GFI1B: variants seen among roughly 807,000 people sequenced by gnomAD.
The protein encoded by GFI1B is growth factor independent 1B transcriptional repressor.
A neutral mutation model predicts 35.3 loss-of-function variants in GFI1B; 20 were observed. The observed-to-expected ratio is 0.57, with a 90% CI of 0.40 to 0.82. The LOEUF is 0.82. Ranked by LOEUF, GFI1B falls within the 40% of genes least tolerant of loss-of-function variation. GFI1B has a pLI of 0.00. For synonymous variants in GFI1B, 178 were observed against 177.6 expected, an observed-to-expected ratio of 1.00 and a Z score of -0.02; for missense variants, 430 against 446.3, an observed-to-expected ratio of 0.96 and a Z score of 0.33.
At chr9:132,976,201 A>G (rs1287180394), upstream of GFI1B, among the ~76,000 whole-genome samples, 1 of 152,214 alleles carries the variant, frequency 6.6e-6, no homozygotes, top group Non-Finnish European at 1.5e-5. Flanking sequence ...GAGATAAACC[A>G]TGAAACCATT....
At chr9:132,985,374 T>C (rs1849006417) in intron 1 of GFI1B, among the ~76,000 whole-genome samples, 1 of 152,138 alleles carries the variant, frequency 6.6e-6, no homozygotes, top group African/African-American at 2.4e-5. Context: ...TCCCACTCCC[T>C]GACTGGTGGG....
intron 1 of GFI1B, among the ~76,000 whole-genome samples, chr9:132,970,899 C>A (rs769557208): frequency 4.6e-5 from 7 of 152,090 alleles, no homozygotes; most frequent in Admixed American, 2.0e-4. Flanking sequence ...TAATAATCAA[C>A]CTGCCATGTA....
In GFI1B at chr9:132,979,371, C is replaced by T. The variant is rs188756129; in HGVS notation, c.-21+530C>T. 2.5e-3 allele frequency among the ~76,000 whole-genome samples: 374 copies of T among 150,064 alleles called. 1 individual carries two copies. The highest frequency in any genetic ancestry group is 7.1e-3 in the Middle Eastern group (2 of 282). On this transcript the variant is annotated intron_variant, in intron 1 of 6. Coordinates refer to ENST00000372122, the MANE Select transcript of GFI1B (RefSeq NM_001377304.1). ...TCTCCTGCCTCAGCCTCCCAAGTAG[C>T]TGGGATTACAGGCGCGTGTTACCAC... is the stretch of plus-strand genomic sequence containing the variant.
chr9:132,980,394 T>C (rs1352201699), intron 1 of GFI1B, among the ~76,000 whole-genome samples: 1 of 152,188 alleles, frequency 6.6e-6, no homozygotes, highest in Non-Finnish European at 1.5e-5. Context: ...CCTCTTAGTC[T>C]AGAGGGAGGC....
chr9:132,949,145 C>A (rs1848162751), intron 1 of GFI1B, among the ~76,000 whole-genome samples: 1 of 152,184 alleles, frequency 6.6e-6, no homozygotes, highest in African/African-American at 2.4e-5. Flanking sequence ...TCACACCTGT[C>A]TTTTTAATTA....
At chr9:132,971,295 G>T (rs548587185) in intron 1 of GFI1B, among the ~76,000 whole-genome samples, 1 of 152,188 alleles carries the variant, frequency 6.6e-6, no homozygotes, top group African/African-American at 2.4e-5. Context: ...TACTTCACCT[G>T]CACCCAGAGT....
chr9:132,972,815 G>C (rs916044477), intron 2 of GFI1B: 1 of 152,326 alleles, frequency 6.6e-6, no homozygotes, highest in Middle Eastern at 3.4e-3. Context: ...CGCCTGGGTC[G>C]TAGGGTGGGG....
Position 132,988,980 on chromosome 9 carries a change from G to A in GFI1B, c.511-81G>A, listed in dbSNP as rs144453058. On this transcript the variant is annotated intron_variant, in intron 4 of 6. Coordinates refer to ENST00000372122, the MANE Select transcript of GFI1B (RefSeq NM_001377304.1). ...TGTACCCAGCCTTGGCCAGAGCTGG[G>A]CATGGAAGAGACCATGGGACCCCAG... The A allele has an allele frequency of 3.4e-3, 4,560 of 1,355,342 alleles. 9 individuals are homozygous for A. Among genetic ancestry groups the A allele is most frequent in the Non-Finnish European group, 4.1e-3 (3,887 of 946,228 alleles). 84.0% of individuals were successfully genotyped at this position (1,355,342 alleles called of 1,614,324 possible).
At chr9:132,981,094 C>T (rs963768916) in intron 1 of GFI1B, among the ~76,000 whole-genome samples, 1 of 152,180 alleles carries the variant, frequency 6.6e-6, no homozygotes, top group African/African-American at 2.4e-5. Flanking sequence ...TGGGGTTTCG[C>T]CATTTTGGCC....
chr9:132,961,396 T>C (rs1395891886), intron 1 of GFI1B, among the ~76,000 whole-genome samples: 1 of 149,598 alleles, frequency 6.7e-6, no homozygotes. Context: ...TATCACAGTC[T>C]TAATTGTGAA....
chr9:132,959,155 G>C (rs184400924), intron 1 of GFI1B, among the ~76,000 whole-genome samples: 1 of 152,276 alleles, frequency 6.6e-6, no homozygotes, highest in African/African-American at 2.4e-5. Flanking sequence ...TTGAACGGTA[G>C]TTCCCATAAT....
At chr9:132,961,169 A>G (rs1324270183) in intron 1 of GFI1B, among the ~76,000 whole-genome samples, 2 of 152,220 alleles carry the variant, frequency 1.3e-5, no homozygotes, top group Non-Finnish European at 2.9e-5. Flanking sequence ...TCAGGAGTGA[A>G]GAAAACCTTT....
intron 1 of GFI1B, among the ~76,000 whole-genome samples, chr9:132,960,758 TC>T (rs1848349724): frequency 6.6e-6 from 1 of 151,886 alleles, no homozygotes; most frequent in South Asian, 2.1e-4. Flanking sequence ...CACCTCAGTC[TC>T]CCAAAACATT....
chr9:132,977,437 C>G (rs1415725576), upstream of GFI1B, among the ~76,000 whole-genome samples: 1 of 152,122 alleles, frequency 6.6e-6, no homozygotes, highest in Non-Finnish European at 1.5e-5. Flanking sequence ...AGAAAGACCT[C>G]GCCTGAAACA....
At chr9:132,981,727 C>T (rs753749328) in intron 1 of GFI1B, among the ~76,000 whole-genome samples, 25 of 152,092 alleles carry the variant, frequency 1.6e-4, no homozygotes, top group Non-Finnish European at 3.2e-4. Flanking sequence ...TCCCCCGACT[C>T]CTCCACGGAC....
At chr9:132,960,087 G>T (rs542836031) in intron 1 of GFI1B, among the ~76,000 whole-genome samples, 1 of 152,178 alleles carries the variant, frequency 6.6e-6, no homozygotes, top group Non-Finnish European at 1.5e-5. Context: ...TCTGCTCAAG[G>T]CCAGGTCCAG....
intron 1 of GFI1B, among the ~76,000 whole-genome samples, chr9:132,967,977 T>G (rs1306627874): frequency 6.6e-6 from 1 of 152,176 alleles, no homozygotes; most frequent in Admixed American, 6.5e-5. Flanking sequence ...AGATGGGGTT[T>G]CACCATGTTG....
chr9:132,981,101 G>A (rs1484081730), intron 1 of GFI1B, among the ~76,000 whole-genome samples: 2 of 152,128 alleles, frequency 1.3e-5, no homozygotes, highest in Non-Finnish European at 2.9e-5. Flanking sequence ...TCGCCATTTT[G>A]GCCAGGCTTG....
At chr9:132,983,989 C>G (rs1398121636) in intron 1 of GFI1B, among the ~76,000 whole-genome samples, 2 of 152,198 alleles carry the variant, frequency 1.3e-5, no homozygotes, top group African/African-American at 2.4e-5. Context: ...GATTAAGCAT[C>G]AGAATTAAAG....
Sources: allele counts gnomAD v4.1 joint callset (sites outside exome capture counted in the v4.1 genomes callset), GRCh38; gene constraint gnomAD v4.1.1; transcripts MANE v1.5; gene names NCBI Gene and HGNC (gene_info 2026-07-23, HGNC 2026-07-21).